The following LRBA variants were observed in gnomAD, a reference collection of about 807,000 sequenced individuals.
LRBA encodes lipopolysaccharide-responsive and beige-like anchor protein.
LRBA carries 176 observed loss-of-function variants against 330.0 expected under a neutral mutation model. The observed-to-expected ratio is 0.53, with a 90% CI of 0.47 to 0.60. The LOEUF (loss-of-function observed/expected upper bound fraction) is 0.60, where lower values mean the gene tolerates loss of function less well. Among genes scored for constraint, LRBA ranks in the 20% least tolerant of loss-of-function variants. The pLI is 0.00. For missense variants in LRBA, 3,259 were observed against 3,444.8 expected (o/e 0.95, Z 1.35); for synonymous variants, 1,230 against 1,193.0 (o/e 1.03, Z -0.64).
At position 150,277,932 on chromosome 4, in the gene LRBA, C is replaced by A. The variant is rs1747017694; in HGVS notation, c.8389G>T (p.Val2797Leu). 1 of 1,614,038 alleles carries A rather than the reference C, an allele frequency of 6.2e-7. No homozygotes were observed. The highest frequency in any genetic ancestry group is 8.5e-7 in the Non-Finnish European group (1 of 1,179,924). ...GDRGVVVVRQVSDLKQLFAYP... is the reference protein window; with the variant it reads ...GDRGVVVVRQLSDLKQLFAYP... Reference sequence around the variant, plus strand: ...GCAAAGAGCTGCTTGAGGTCCGACACCTGCCGGACCACGACCACTCCTCTG... The same window carrying A: ...GCAAAGAGCTGCTTGAGGTCCGACAACTGCCGGACCACGACCACTCCTCTG... The change falls in exon 56 of 57, where the codon GTG becomes TTG. Residue 2797 changes from valine (V) to leucine (L), a missense_variant. Coordinates refer to ENST00000651943, the MANE Select transcript of LRBA (RefSeq NM_001364905.1).
intron 31 of LRBA, among the ~76,000 whole-genome samples, chr4:150,813,088 T>C (rs1392875655): frequency 6.6e-6 from 1 of 150,636 alleles, no homozygotes; most frequent in South Asian, 2.1e-4. Context: ...GCCCAGGAGT[T>C]CAAGGCTGCA....
intron 35 of LRBA, among the ~76,000 whole-genome samples, chr4:150,758,382 T>G (rs1312308797): frequency 1.3e-5 from 2 of 152,110 alleles, no homozygotes; most frequent in Non-Finnish European, 2.9e-5. Flanking sequence ...AGGCCAAAAA[T>G]CTTAAGAGTG....
intron 2 of LRBA, among the ~76,000 whole-genome samples, chr4:151,001,433 C>T (rs556202042): frequency 1.2e-4 from 18 of 152,208 alleles, no homozygotes; most frequent in African/African-American, 4.1e-4. Context: ...GCCAGCCCAG[C>T]TTAACCAGGT....
At chr4:150,419,656 G>A (rs1437695231) in intron 46 of LRBA, among the ~76,000 whole-genome samples, 1 of 27,080 alleles carries the variant, frequency 3.7e-5, no homozygotes, top group Non-Finnish European at 6.9e-5. Flanking sequence ...TTTTTTTTTT[G>A]AGATGAAGTC....
intron 2 of LRBA, among the ~76,000 whole-genome samples, chr4:151,010,536 A>T (rs1036027111): frequency 6.6e-6 from 1 of 151,966 alleles, no homozygotes; most frequent in African/African-American, 2.4e-5. Context: ...AAAGTAATTT[A>T]TAACAGACTA....
intron 2 of LRBA, among the ~76,000 whole-genome samples, chr4:150,983,215 G>C (rs1187469316): frequency 6.6e-6 from 1 of 152,110 alleles, no homozygotes; most frequent in Non-Finnish European, 1.5e-5. Context: ...CCCAGCATTT[G>C]GGAGGCTGAG....
intron 42 of LRBA, among the ~76,000 whole-genome samples, chr4:150,484,659 T>A (rs904035403): frequency 2.0e-5 from 3 of 151,856 alleles, no homozygotes; most frequent in Non-Finnish European, 4.4e-5. Flanking sequence ...TCAGCTTACT[T>A]TGACTACATG....
At chr4:150,885,800 C>T (rs1370169896) in intron 17 of LRBA, among the ~76,000 whole-genome samples, 1 of 152,088 alleles carries the variant, frequency 6.6e-6, no homozygotes, top group East Asian at 1.9e-4. Flanking sequence ...AGGGAGATGA[C>T]AGTCAAGTGC....
chr4:150,489,151 C>CAATATATA (rs1758355160), intron 41 of LRBA, among the ~76,000 whole-genome samples: 3 of 23,238 alleles, frequency 1.3e-4, no homozygotes, highest in African/African-American at 3.0e-4. Flanking sequence ...TATAATATAT[C>CAATATATA]AGAATATATA....
chr4:150,634,673 T>C lies in LRBA; in HGVS notation c.5922-35542A>G, dbSNP rs181720396. On this transcript the variant is annotated intron_variant, in intron 37 of 56. Transcript: ENST00000651943. ...CATTCTTTTTTCAGATTCCAGAATA[T>C]AGTCTCACCTGTTTTTCTCCCTCAT... Among the ~76,000 whole-genome samples, 81 of 152,328 alleles carry C rather than the reference T, an allele frequency of 5.3e-4. No homozygotes were observed. In the South Asian group the frequency reaches 5.6e-3, roughly 11 times the overall value.
At chr4:150,689,271 G>A (rs1168057077) in intron 36 of LRBA, among the ~76,000 whole-genome samples, 1 of 151,992 alleles carries the variant, frequency 6.6e-6, no homozygotes, top group Non-Finnish European at 1.5e-5. Flanking sequence ...AGAACATATG[G>A]GCACGGAGAG....
chr4:150,485,640 G>A lies in LRBA; in HGVS notation c.6551+2092C>T, dbSNP rs116642424. Among the ~76,000 whole-genome samples, 1,156 of 151,888 alleles carry A rather than the reference G, an allele frequency of 7.6e-3. 5 individuals carry two copies. The highest frequency in any genetic ancestry group is 0.012 in the Non-Finnish European group (833 of 67,904). On this transcript the variant is annotated intron_variant, in intron 42 of 56. Transcript: ENST00000651943. Reference sequence around the variant, plus strand: ...GAGGCATCTAAAAACCAAGGAGACCGGCCTGGAACAGATCCTTCCCTCATA... The same window carrying A: ...GAGGCATCTAAAAACCAAGGAGACCAGCCTGGAACAGATCCTTCCCTCATA...
At chr4:150,381,687 G>A (rs1171279086) in intron 47 of LRBA, among the ~76,000 whole-genome samples, 1 of 150,514 alleles carries the variant, frequency 6.6e-6, no homozygotes, top group African/African-American at 2.4e-5. Flanking sequence ...GTATGGATAT[G>A]TTTCCAATTA....
chr4:150,733,572 TCTCTCA>T (rs904644348), intron 36 of LRBA, among the ~76,000 whole-genome samples: 32 of 53,356 alleles, frequency 6.0e-4, no homozygotes, highest in African/African-American at 1.0e-3. Flanking sequence ...TCTCTCTCTC[TCTCTCA>T]CACACACACA....
Position 150,330,178 on chromosome 4 carries a change from T to C in LRBA, c.7363-4280A>G, listed in dbSNP as rs79798135. ...ACCTTATACCAGTGTTCCTTTTCAG[T>C]CAAGCTGGTTTTCTTCTACAAATAT... On this transcript the variant is annotated intron_variant, in intron 48 of 56. Transcript: ENST00000651943. Among the ~76,000 whole-genome samples, 756 of 152,276 alleles carry C rather than the reference T, an allele frequency of 5.0e-3. 6 individuals are homozygous for C. Among genetic ancestry groups the C allele is most frequent in the African/African-American group, 0.017 (724 of 41,554 alleles).
At chr4:150,595,643 TA>T (rs1773406188) in intron 38 of LRBA, among the ~76,000 whole-genome samples, 1 of 151,958 alleles carries the variant, frequency 6.6e-6, no homozygotes, top group Non-Finnish European at 1.5e-5. Context: ...AATTTAAATA[TA>T]AAATTCCCGT....
At position 150,599,134 on chromosome 4, in the gene LRBA, A is replaced by T. The variant is rs377047091; in HGVS notation, c.5922-3T>A. 2 of 1,613,934 alleles carry T rather than the reference A, an allele frequency of 1.2e-6. No homozygotes were observed. The highest frequency in any genetic ancestry group is 2.7e-5 in the African/African-American group (2 of 75,056). ...GGCGCCAGAACTCAAGAGGACGACT[A>T]CAATGAAACAGAGAAGCCACATATG... is the stretch of plus-strand genomic sequence containing the variant. On this transcript the variant is annotated splice_polypyrimidine_tract_variant and splice_region_variant and intron_variant, in intron 37 of 56. Transcript: ENST00000651943.
intron 37 of LRBA, among the ~76,000 whole-genome samples, chr4:150,648,169 A>AAAAAAAAAAAAAAAAAAAAAAAAAC (rs1464276690): frequency 1.4e-5 from 2 of 143,720 alleles, no homozygotes; most frequent in Non-Finnish European, 3.1e-5. Context: ...AAAAAAAAAA[A>AAAAAAAAAAAAAAAAAAAAAAAAAC]AAAAAAAACT....
intron 2 of LRBA, among the ~76,000 whole-genome samples, chr4:150,966,475 ATTTTTT>A (rs36013649): frequency 2.6e-5 from 3 of 114,616 alleles, no homozygotes; most frequent in African/African-American, 1.0e-4. Flanking sequence ...CACCCAGCTA[ATTTTTT>A]TTTTTTTTTT....
Sources: gnomAD v4.1 joint callset for allele counts (sites outside exome capture counted in the v4.1 genomes callset) on GRCh38, gnomAD v4.1.1 for gene constraint, MANE v1.5 for transcripts, NCBI Gene and HGNC (gene_info 2026-07-23, HGNC 2026-07-21) for gene names.